Variants in NDE1 observed in about 807,000 individuals in gnomAD.
The protein encoded by NDE1 is nuclear distribution protein nudE homolog 1.
In NDE1, 28 loss-of-function variants were observed where a neutral mutation model predicts 43.4. That is an observed-to-expected ratio of 0.65 (90% CI 0.48 to 0.89). The LOEUF is 0.89. Among genes scored for constraint, NDE1 ranks in the 40% least tolerant of loss-of-function variants. The pLI, the probability that NDE1 is intolerant of heterozygous loss-of-function variation, is 0.00. For synonymous variants in NDE1, 184 were observed against 172.0 expected (o/e 1.07, Z -0.55); for missense variants, 441 against 434.1 (o/e 1.02, Z -0.14).
intron 8 of NDE1, chr16:15,700,083 G>A (rs2039174452): frequency 8.6e-7 from 1 of 1,163,018 alleles, no homozygotes; most frequent in Non-Finnish European, 1.1e-6. Flanking sequence ...AGGGCTCTAA[G>A]TTGTCGGTGA....
chr16:15,687,879 G>C (rs1275255998), intron 5 of NDE1, among the ~76,000 whole-genome samples: 1 of 152,208 alleles, frequency 6.6e-6, no homozygotes, highest in African/African-American at 2.4e-5. Context: ...TGCTCAGTAG[G>C]AACAGAGAGT....
At chr16:15,652,687 G>A (rs1374763753) in intron 1 of NDE1, among the ~76,000 whole-genome samples, 3 of 151,910 alleles carry the variant, frequency 2.0e-5, no homozygotes, top group African/African-American at 4.8e-5. Flanking sequence ...TTTTTGAGAC[G>A]GGATCTCACT....
chr16:15,720,585 C>T (rs1286656032), intron 8 of NDE1, among the ~76,000 whole-genome samples: 1 of 147,156 alleles, frequency 6.8e-6, no homozygotes, highest in African/African-American at 2.5e-5. Context: ...CTTGTCTCCA[C>T]TGAAAAAAAA....
intron 1 of NDE1, among the ~76,000 whole-genome samples, chr16:15,661,892 C>A (rs1325457611): frequency 6.6e-6 from 1 of 151,994 alleles, no homozygotes; most frequent in Non-Finnish European, 1.5e-5. Flanking sequence ...AGTTTGCCTT[C>A]TAAATATTTT....
At chr16:15,707,619 G>A (rs1227066755) in intron 8 of NDE1, among the ~76,000 whole-genome samples, 1 of 152,250 alleles carries the variant, frequency 6.6e-6, no homozygotes, top group South Asian at 2.1e-4. Context: ...CTCCAAAAAT[G>A]AAGATGGACA....
At chr16:15,651,975 T>A (rs2036527220) in intron 1 of NDE1, 1 of 152,074 alleles carries the variant, frequency 6.6e-6, no homozygotes, top group East Asian at 1.9e-4. Flanking sequence ...TGGCATGATC[T>A]CGACTCACTG....
Position 15,725,631 on chromosome 16 carries a change from T to C in NDE1, c.*1380T>C. Reference sequence around the variant, plus strand: ...ATATGAATGATCTTGACACTGCTTATATGAGGGCGGCAAAAGCCCTGCTCT... The same window carrying C: ...ATATGAATGATCTTGACACTGCTTACATGAGGGCGGCAAAAGCCCTGCTCT... On this transcript the variant is annotated 3_prime_UTR_variant, in exon 9 of 9. Coordinates refer to ENST00000396354, the MANE Select transcript of NDE1 (RefSeq NM_017668.3). 2.5e-6 allele frequency: 1 copy of C among 401,272 alleles called. No individual in the cohort carries two copies. Among genetic ancestry groups the C allele is most frequent in the Admixed American group, 4.3e-5 (1 of 23,354 alleles). 24.9% of individuals were successfully genotyped at this position (401,272 alleles called of 1,614,324 possible).
At chr16:15,724,143 A>G (rs756133234) in intron 8 of NDE1, 48 bp from the exon 9 acceptor site, 1 of 1,612,286 alleles carries the variant, frequency 6.2e-7, no homozygotes, top group Non-Finnish European at 8.5e-7. Context: ...AGAGTGGGGG[A>G]CACCCCACGC....
chr16:15,706,064 G>T (rs1309168055), intron 8 of NDE1, among the ~76,000 whole-genome samples: 1 of 149,640 alleles, frequency 6.7e-6, no homozygotes, highest in African/African-American at 2.5e-5. Flanking sequence ...CCCTTTTGTT[G>T]ACAGAGGATG....
In NDE1 at chr16:15,700,068, T is replaced by A. The variant is rs1006503892; in HGVS notation, c.947+3208T>A. 9.4e-6 allele frequency: 11 copies of A among 1,172,968 alleles called. No homozygotes were observed. The African/African-American group carries it at 1.8e-4, about 19-fold the overall frequency. 72.7% of individuals were successfully genotyped at this position (1,172,968 alleles called of 1,614,324 possible). Reference sequence around the variant, plus strand: ...GCAAAGAGGGACAAAAGGGGCTCTCTGGGAAGGGCTCTAAGTTGTCGGTGA... The same window carrying A: ...GCAAAGAGGGACAAAAGGGGCTCTCAGGGAAGGGCTCTAAGTTGTCGGTGA... On this transcript the variant is annotated intron_variant, in intron 8 of 8. Coordinates refer to ENST00000396354, the MANE Select transcript of NDE1 (RefSeq NM_017668.3).
At chr16:15,693,118 C>T (rs1232578155) in intron 6 of NDE1, among the ~76,000 whole-genome samples, 1 of 152,068 alleles carries the variant, frequency 6.6e-6, no homozygotes, top group Non-Finnish European at 1.5e-5. Context: ...TCTCATGCCT[C>T]AGCCTCCCGA....
intron 8 of NDE1, among the ~76,000 whole-genome samples, chr16:15,707,790 G>A (rs573065948): frequency 9.2e-5 from 14 of 152,118 alleles, no homozygotes; most frequent in Non-Finnish European, 1.3e-4. Flanking sequence ...TGGCCAACAT[G>A]GTGATATCCT....
Position 15,718,286 on chromosome 16 carries a change from C to T in NDE1, c.948-5905C>T, listed in dbSNP as rs570946100. On this transcript the variant is annotated intron_variant, in intron 8 of 8. Coordinates refer to ENST00000396354, the MANE Select transcript of NDE1 (RefSeq NM_017668.3). ...CTGCTGCAGGAGAGACAGTAGGCAG[C>T]GTGACTGTGGTGTCCAGGCGGCCCT... 23 of 1,606,520 alleles carry T rather than the reference C, an allele frequency of 1.4e-5. No individual in the cohort carries two copies. The East Asian group carries it at 1.6e-4, about 11-fold the overall frequency.
At chr16:15,710,708 G>A (rs1288019753) in intron 8 of NDE1, among the ~76,000 whole-genome samples, 1 of 151,598 alleles carries the variant, frequency 6.6e-6, no homozygotes, top group African/African-American at 2.4e-5. Flanking sequence ...TGGAGACAGA[G>A]TCTTGCTCTG....
rs1412908652 is a variant in NDE1, at chr16:15,694,175, C to T, written c.714C>T (p.Asp238=). Residue 238 remains aspartate, a synonymous_variant, in exon 7 of 9, where the codon GAC becomes GAT. Transcript: ENST00000396354. The stretch of plus-strand genomic sequence containing the variant: ...CCTTTGCACACCCAGGCCTGGACGA[C>T]TCCACCGGGGGGACCCCCCTCACAC... ...TPGSFRRGLD[D]STGGTPLTPA... The T allele has an allele frequency of 6.2e-7, 1 of 1,612,830 alleles. No individual in the cohort carries two copies. The highest frequency in any genetic ancestry group is 1.7e-5 in the Admixed American group (1 of 60,016).
At chr16:15,675,900 T>C (rs2037846184) in intron 3 of NDE1, among the ~76,000 whole-genome samples, 1 of 152,164 alleles carries the variant, frequency 6.6e-6, no homozygotes, top group Admixed American at 6.6e-5. Context: ...TTGCTACCAG[T>C]TGATTCTGGG....
intron 4 of NDE1, among the ~76,000 whole-genome samples, chr16:15,678,934 G>T (rs931873608): frequency 6.6e-6 from 1 of 151,870 alleles, no homozygotes; most frequent in African/African-American, 2.4e-5. Flanking sequence ...AAATTAGCCG[G>T]GCGTGGTGGC....
chr16:15,690,140 GCTCAAGCGATTGTCTTGCCTCAGC>G (rs904918957), intron 5 of NDE1, among the ~76,000 whole-genome samples: 2 of 151,530 alleles, frequency 1.3e-5, no homozygotes, highest in Admixed American at 1.3e-4. Context: ...TGTCCCCCAG[GCTCAAGCGATTGTCTTGCCTCAGC>G]CTCCCAAGCA....
chr16:15,652,607 G>C (rs2036559148), intron 1 of NDE1, among the ~76,000 whole-genome samples: 1 of 152,146 alleles, frequency 6.6e-6, no homozygotes, highest in Non-Finnish European at 1.5e-5. Flanking sequence ...CCTGTCACTT[G>C]GTTCAGTAGA....
Sources: gnomAD v4.1 joint callset for allele counts (sites outside exome capture counted in the v4.1 genomes callset) on GRCh38, gnomAD v4.1.1 for gene constraint, MANE v1.5 for transcripts, NCBI Gene and HGNC (gene_info 2026-07-23, HGNC 2026-07-21) for gene names.